MAU2: variants seen among roughly 807,000 people sequenced by gnomAD.
MAU2 encodes MAU2 chromatid cohesion factor homolog.
Under a neutral mutation model 89.1 loss-of-function variants are expected in MAU2, and 9 were observed. The ratio of observed to expected loss-of-function variants is 0.10; its 90% confidence interval spans 0.06 to 0.18. MAU2 has a LOEUF of 0.18. Ranked by LOEUF, MAU2 falls within the 10% of genes least tolerant of loss-of-function variation. The pLI is 1.00. For missense variants in MAU2, 425 were observed against 803.5 expected, an observed-to-expected ratio of 0.53 and a Z score of 5.69; for synonymous variants, 357 against 343.4, an observed-to-expected ratio of 1.04 and a Z score of -0.44.
intron 16 of MAU2, among the ~76,000 whole-genome samples, chr19:19,350,780 G>T (rs1260600579): frequency 6.6e-6 from 1 of 151,562 alleles, no homozygotes; most frequent in East Asian, 2.0e-4. Context: ...GGCGCCTGTA[G>T]TCCCAGCTAT....
intron 17 of MAU2, 152 bp from the exon 18 acceptor site, chr19:19,355,112 C>A (rs1237013893): frequency 2.0e-6 from 2 of 1,021,644 alleles, no homozygotes; most frequent in Non-Finnish European, 2.8e-6. Flanking sequence ...CTTTGTGATC[C>A]CAAGACAGGG....
chr19:19,356,316 G>A lies in MAU2; in HGVS notation c.*534G>A. On this transcript the variant is annotated 3_prime_UTR_variant, in exon 19 of 19. Transcript: ENST00000262815. ...AGCACAGATCCCAGCACTTTTCCCA[G>A]CTTTCTCTCCAGCATCAGTCCCTGC... The A allele has an allele frequency of 3.0e-6, 1 of 333,824 alleles. No homozygotes were observed. The highest frequency in any genetic ancestry group is 5.9e-6 in the Non-Finnish European group (1 of 168,436). 20.7% of individuals were successfully genotyped at this position (333,824 alleles called of 1,614,324 possible).
rs1001377680 is a variant in MAU2 at position 19,357,719 on chromosome 19, G to A, written c.*1937G>A. 1 of 152,240 alleles carries A rather than the reference G, an allele frequency of 6.6e-6. No homozygotes were observed. The highest frequency in any genetic ancestry group is 2.4e-5 in the African/African-American group (1 of 41,348). The allele number at this position is 152,240 out of a possible 1,614,324, so 9.4% of individuals were successfully genotyped here. ...TCTATGTATATGTAAAGTTAAGGAT[G>A]AGATCTTAAGTTTACAATTAAAAAC... On this transcript the variant is annotated 3_prime_UTR_variant, in exon 19 of 19. Transcript: ENST00000262815.
intron 1 of MAU2, among the ~76,000 whole-genome samples, chr19:19,328,108 C>T (rs956333704): frequency 6.7e-6 from 1 of 150,104 alleles, no homozygotes; most frequent in African/African-American, 2.5e-5. Flanking sequence ...ATCAGTGAGC[C>T]GTGTTCCTGC....
In MAU2 at chr19:19,357,581, A is replaced by G. The variant is rs2048194338; in HGVS notation, c.*1799A>G. On this transcript the variant is annotated 3_prime_UTR_variant, in exon 19 of 19. Transcript: ENST00000262815. ...GCATCATGTTCATCCCCATCTATTT[A>G]TTTAAGCCTTTCTTTGCTTGTAGGG... 6.6e-6 allele frequency: 1 copy of G among 152,450 alleles called. No homozygotes were observed. Among genetic ancestry groups the G allele is most frequent in the Admixed American group, 6.6e-5 (1 of 15,214 alleles). The allele number at this position is 152,450 out of a possible 1,614,324, so 9.4% of individuals were successfully genotyped here.
intron 5 of MAU2, chr19:19,339,587 ATGTTGCCTAGGCTGGTCTCAAACT>A (rs2061624384): frequency 6.7e-6 from 1 of 150,116 alleles, no homozygotes. Context: ...GGGTCTCACC[ATGTTGCCTAGGCTGGTCTCAAACT>A]TCTGACCTCA....
chr19:19,347,505 C>CA, intron 13 of MAU2, 139 bp downstream of exon 13: 1 of 663,888 alleles, frequency 1.5e-6, no homozygotes, highest in East Asian at 2.8e-5. Context: ...GCACCCGACA[C>CA]AGACACACAA....
Position 19,340,164 on chromosome 19 carries a change from C to CAA in MAU2, c.552-664_552-663dup, listed in dbSNP as rs1253222446. ...TGGGCGACAGAGCGAGACTCCATCT[C>CAA]AAAAAAAAAAAAAAAAAAATTAACC... On this transcript the variant is annotated intron_variant, in intron 5 of 18. Transcript: ENST00000262815. 2.4e-4 allele frequency among the ~76,000 whole-genome samples: 20 copies of CAA among 83,968 alleles called. 1 individual carries two copies. Among genetic ancestry groups the CAA allele is most frequent in the Admixed American group, 1.3e-3 (10 of 7,506 alleles). 55.1% of individuals were successfully genotyped at this position (83,968 alleles called of 152,430 possible). A position where few individuals can be genotyped will look rare whatever the true frequency, so the allele number is the denominator to read the frequency against.
chr19:19,328,803 GGT>G (rs1478203370), intron 1 of MAU2, among the ~76,000 whole-genome samples: 1 of 152,120 alleles, frequency 6.6e-6, no homozygotes, highest in Non-Finnish European at 1.5e-5. Flanking sequence ...AGGTTTTCCT[GGT>G]TTGAAAGCCA....
At chr19:19,341,181 A>T (rs2061642519) in intron 6 of MAU2, 71 bp from the exon 7 acceptor site, 1 of 1,529,428 alleles carries the variant, frequency 6.5e-7, no homozygotes. Flanking sequence ...TGGGCAGGTG[A>T]CCCTGTGCTC....
chr19:19,343,776 G>A (rs2061671884), intron 9 of MAU2, 61 bp from the exon 10 acceptor site: 1 of 1,289,140 alleles, frequency 7.8e-7, no homozygotes, highest in East Asian at 2.3e-5. Flanking sequence ...GGGCACGGTG[G>A]GCTGGGGGTG....
rs762114999 is a variant in MAU2 at position 19,343,938 on chromosome 19, G to C, written c.1075G>C (p.Glu359Gln). Reference sequence around the variant, plus strand: ...GGGTCACAAGGCCACGGCGCTGCAGGAGGTAAGGCTGGAAGCAGGAGGGGC... The same window carrying C: ...GGGTCACAAGGCCACGGCGCTGCAGCAGGTAAGGCTGGAAGCAGGAGGGGC... ...VTGHKATALQ[E>Q]ISQVCQLCQQ... is the part of the protein sequence containing the mutation. Residue 359 changes from glutamate to glutamine, a missense_variant and splice_region_variant, in exon 10 of 19, where the codon GAG becomes CAG. Glu to Gln is a conservative substitution (Grantham distance 29, BLOSUM62 2). This residue lies in a region of MAU2 where 39 missense variants were observed against 56.3 expected (regional missense o/e 0.69). Coordinates refer to ENST00000262815, the MANE Select transcript of MAU2 (RefSeq NM_015329.4). 1.2e-6 allele frequency: 2 copies of C among 1,611,520 alleles called. No individual in the cohort carries two copies. Among genetic ancestry groups the C allele is most frequent in the Admixed American group, 3.3e-5 (2 of 60,010 alleles).
intron 13 of MAU2, 26 bp downstream of exon 13, chr19:19,347,392 A>G (rs2061701812): frequency 6.4e-7 from 1 of 1,558,082 alleles, no homozygotes; most frequent in South Asian, 1.1e-5. Context: ...CATGTTCGGT[A>G]TCCTTTCTCT....
chr19:19,347,563 G>T, intron 13 of MAU2, 197 bp downstream of exon 13: 1 of 560,440 alleles, frequency 1.8e-6, no homozygotes, highest in Non-Finnish European at 3.2e-6. Flanking sequence ...GCCAGGTCTG[G>T]GACAAAAACA....
rs1342310819 is a variant in MAU2 at position 19,357,669 on chromosome 19, A to T, written c.*1887A>T. 1 of 152,440 alleles carries T rather than the reference A, an allele frequency of 6.6e-6. No homozygotes were observed. The highest frequency in any genetic ancestry group is 1.5e-5 in the Non-Finnish European group (1 of 68,022). The allele number at this position is 152,440 out of a possible 1,614,324, so 9.4% of individuals were successfully genotyped here. A position where few individuals can be genotyped will look rare whatever the true frequency, so the allele number is the denominator to read the frequency against. On this transcript the variant is annotated 3_prime_UTR_variant, in exon 19 of 19. Transcript: ENST00000262815. Reference sequence around the variant, plus strand: ...AACTTAACATCTGTCCTGATGTTAAAGTGCTTTTCATGACCACCCTGTTAT... The same window carrying T: ...AACTTAACATCTGTCCTGATGTTAATGTGCTTTTCATGACCACCCTGTTAT...
chr19:19,337,368 C>A (rs1479934993), intron 4 of MAU2, 103 bp downstream of exon 4: 2 of 888,872 alleles, frequency 2.3e-6, no homozygotes, highest in Non-Finnish European at 3.6e-6. Context: ...ATGCGCAGAC[C>A]CCCTCGGGCT....
intron 16 of MAU2, 56 bp from the exon 17 acceptor site, chr19:19,354,299 G>T: frequency 1.4e-6 from 2 of 1,425,282 alleles, no homozygotes; most frequent in South Asian, 2.3e-5. Context: ...ACCTGGGCTG[G>T]GTTCGGCAAG....
chr19:19,321,191 C>CT lies in MAU2; in HGVS notation c.276+57dup, dbSNP rs200446248. 5,144 of 1,469,574 alleles carry CT rather than the reference C, an allele frequency of 3.5e-3. 91 individuals are homozygous for CT. The highest frequency in any genetic ancestry group is 0.034 in the South Asian group (2,462 of 73,406). 91.0% of individuals were successfully genotyped at this position (1,469,574 alleles called of 1,614,324 possible). On this transcript the variant is annotated intron_variant, in intron 1 of 18. Coordinates refer to ENST00000262815, the MANE Select transcript of MAU2 (RefSeq NM_015329.4). The stretch of plus-strand genomic sequence containing the variant: ...TCGCGGGCTCCTTGCAAGATCTGGG[C>CT]TGACGGGTCGCGACCGCGGCGGGTG...
chr19:19,356,189 G>A lies in MAU2; in HGVS notation c.*407G>A, dbSNP rs1009518339. Reference sequence around the variant, plus strand: ...CATCACCCAGGCCTTGATGCCGAGCGGGAGTAGAGTGTTTCCTCTGCTCAA... The same window carrying A: ...CATCACCCAGGCCTTGATGCCGAGCAGGAGTAGAGTGTTTCCTCTGCTCAA... On this transcript the variant is annotated 3_prime_UTR_variant, in exon 19 of 19. Transcript: ENST00000262815. 4 of 383,412 alleles carry A rather than the reference G, an allele frequency of 1.0e-5. No homozygotes were observed. Among genetic ancestry groups the A allele is most frequent in the South Asian group, 4.0e-5 (2 of 50,600 alleles). The allele number at this position is 383,412 out of a possible 1,614,324, so 23.8% of individuals were successfully genotyped here.
Sources: allele counts gnomAD v4.1 joint callset (sites outside exome capture counted in the v4.1 genomes callset), GRCh38; gene constraint gnomAD v4.1.1; regional missense constraint gnomAD v4.1.1; transcripts MANE v1.5; gene names NCBI Gene and HGNC (gene_info 2026-07-23, HGNC 2026-07-21).